The following EDIL3 variants were observed in gnomAD, a reference collection of about 807,000 sequenced individuals.
EDIL3 encodes EGF-like repeat and discoidin I-like domain-containing protein 3.
A neutral mutation model predicts 67.4 loss-of-function variants in EDIL3; 37 were observed. The observed-to-expected ratio is 0.55, with a 90% CI of 0.42 to 0.72. The LOEUF (loss-of-function observed/expected upper bound fraction) is 0.72, where lower values mean the gene tolerates loss of function less well. Ranked by LOEUF, EDIL3 falls within the 30% of genes least tolerant of loss-of-function variation. The probability of loss-of-function intolerance (pLI) is 0.00; values close to 1 mark genes in which losing one functional copy is unlikely to be tolerated. For missense variants in EDIL3, 527 were observed against 586.3 expected, an observed-to-expected ratio of 0.90 and a Z score of 1.04; for synonymous variants, 195 against 196.3, an observed-to-expected ratio of 0.99 and a Z score of 0.05.
At chr5:84,203,514 G>A (rs1047625714) in intron 3 of EDIL3, among the ~76,000 whole-genome samples, 6 of 152,106 alleles carry the variant, frequency 3.9e-5, no homozygotes, top group South Asian at 2.1e-4. Context: ...AGCAACACAC[G>A]TTCCTGATGG....
chr5:84,000,183 T>C (rs1022070067), intron 9 of EDIL3, among the ~76,000 whole-genome samples: 1 of 152,068 alleles, frequency 6.6e-6, no homozygotes, highest in African/African-American at 2.4e-5. Flanking sequence ...ATGATATTAA[T>C]GAGCAACAAG....
Position 84,045,716 on chromosome 5 carries a change from G to A in EDIL3, c.1137+14584C>T, listed in dbSNP as rs112414762. The stretch of plus-strand genomic sequence containing the variant: ...AAGAATTATAATAGCGGCATAAAAC[G>A]AACAAAGACATTAGACATTTGAAAG... On this transcript the variant is annotated intron_variant, in intron 9 of 10. Transcript: ENST00000296591. 1.1e-3 allele frequency among the ~76,000 whole-genome samples: 162 copies of A among 152,208 alleles called. 1 individual carries two copies. Among genetic ancestry groups the A allele is most frequent in the African/African-American group, 3.7e-3 (155 of 41,530 alleles).
chr5:84,192,254 A>T (rs1430600162), intron 3 of EDIL3, among the ~76,000 whole-genome samples: 1 of 151,698 alleles, frequency 6.6e-6, no homozygotes, highest in East Asian at 1.9e-4. Context: ...CATCCTCCAT[A>T]GCTACCCACC....
intron 4 of EDIL3, among the ~76,000 whole-genome samples, chr5:84,148,457 T>G (rs376120041): frequency 7.2e-5 from 11 of 152,274 alleles, no homozygotes; most frequent in African/African-American, 2.6e-4. Context: ...TCCAAAATGG[T>G]GACATTTACT....
At chr5:84,248,291 A>G (rs189985012) in intron 2 of EDIL3, among the ~76,000 whole-genome samples, 1 of 152,272 alleles carries the variant, frequency 6.6e-6, no homozygotes, top group African/African-American at 2.4e-5. Context: ...TAACTGCTCC[A>G]CAGTACTTGA....
At chr5:84,191,655 T>C (rs899182821) in intron 3 of EDIL3, among the ~76,000 whole-genome samples, 6 of 152,036 alleles carry the variant, frequency 3.9e-5, no homozygotes, top group African/African-American at 1.4e-4. Flanking sequence ...CTGCTTATAA[T>C]CACTGGATGA....
chr5:84,233,418 G>A (rs1271303668), intron 2 of EDIL3, among the ~76,000 whole-genome samples: 2 of 152,092 alleles, frequency 1.3e-5, no homozygotes, highest in Non-Finnish European at 2.9e-5. Flanking sequence ...AACAGCCATG[G>A]GTACCATTGT....
rs1398135562 is a variant in EDIL3, at chr5:83,940,613, TTA to T, written c.*2804_*2805del. On this transcript the variant is annotated 3_prime_UTR_variant, in exon 11 of 11. Transcript: ENST00000296591. ...AAAAGAATCCCAGCTTTTCAAAAGTTTATTTTAAGTTTGGAGACTAGACAAGG... is the reference window on the plus strand; with the variant it reads ...AAAAGAATCCCAGCTTTTCAAAAGTTTTTTAAGTTTGGAGACTAGACAAGG... 1.3e-5 allele frequency: 2 copies of T among 151,978 alleles called. No homozygotes were observed. Among genetic ancestry groups the T allele is most frequent in the Non-Finnish European group, 1.5e-5 (1 of 67,904 alleles). The allele number at this position is 151,978 out of a possible 1,614,324, so 9.4% of individuals were successfully genotyped here.
At chr5:83,967,321 A>C (rs1240017721) in intron 9 of EDIL3, among the ~76,000 whole-genome samples, 2 of 152,136 alleles carry the variant, frequency 1.3e-5, no homozygotes, top group Admixed American at 1.3e-4. Context: ...ACATCATCTC[A>C]AAATAAATAA....
intron 3 of EDIL3, among the ~76,000 whole-genome samples, chr5:84,213,649 A>T (rs951764391): frequency 1.4e-4 from 22 of 152,192 alleles, no homozygotes; most frequent in African/African-American, 5.3e-4. Flanking sequence ...GAGAAAGAAA[A>T]AACAGGTGAG....
At chr5:84,159,465 ACC>A (rs1201850874) in intron 4 of EDIL3, among the ~76,000 whole-genome samples, 1 of 152,012 alleles carries the variant, frequency 6.6e-6, no homozygotes, top group South Asian at 2.1e-4. Context: ...GTTCAAGCTT[ACC>A]TGACCCCATA....
chr5:84,015,028 T>C (rs1334563868), intron 9 of EDIL3, among the ~76,000 whole-genome samples: 1 of 152,180 alleles, frequency 6.6e-6, no homozygotes, highest in Non-Finnish European at 1.5e-5. Flanking sequence ...CTGTTGATGA[T>C]AAAATAAACT....
chr5:84,225,662 G>A (rs1744436377), intron 3 of EDIL3, among the ~76,000 whole-genome samples: 1 of 150,844 alleles, frequency 6.6e-6, no homozygotes, highest in African/African-American at 2.4e-5. Context: ...ATATGTTATT[G>A]AAGATAAACA....
chr5:84,093,683 G>A (rs185339927), intron 6 of EDIL3, among the ~76,000 whole-genome samples: 9,365 of 137,188 alleles, frequency 0.068, 450 homozygotes, highest in Middle Eastern at 0.13. Context: ...TTTTTCAGAC[G>A]GGGTCTCGCT....
chr5:84,116,309 CAG>C (rs1177760800), intron 5 of EDIL3, among the ~76,000 whole-genome samples: 1 of 151,502 alleles, frequency 6.6e-6, no homozygotes, highest in Non-Finnish European at 1.5e-5. Flanking sequence ...GAAGAAATGA[CAG>C]AGAGCAAAAT....
chr5:84,071,465 T>C (rs1746739662), intron 6 of EDIL3, among the ~76,000 whole-genome samples: 1 of 152,168 alleles, frequency 6.6e-6, no homozygotes, highest in Non-Finnish European at 1.5e-5. Context: ...AGACGAAGAT[T>C]TTCTGAAACA....
intron 8 of EDIL3, among the ~76,000 whole-genome samples, chr5:84,062,017 C>T (rs1286650442): frequency 1.3e-5 from 2 of 152,024 alleles, no homozygotes; most frequent in Admixed American, 6.6e-5. Context: ...TTTCCCTTCA[C>T]CTCCACCATC....
At chr5:84,340,344 A>T (rs1021330255) in intron 1 of EDIL3, among the ~76,000 whole-genome samples, 7 of 151,654 alleles carry the variant, frequency 4.6e-5, no homozygotes, top group Non-Finnish European at 7.4e-5. Context: ...ACCCTGCAGT[A>T]CCTCAGTTAT....
At chr5:84,088,387 GTTTGT>G (rs1207505124) in intron 6 of EDIL3, among the ~76,000 whole-genome samples, 1 of 152,232 alleles carries the variant, frequency 6.6e-6, no homozygotes, top group Non-Finnish European at 1.5e-5. Context: ...TTTGTTTGTT[GTTTGT>G]TTTGTTTTGT....
Sources: allele counts gnomAD v4.1 joint callset (sites outside exome capture counted in the v4.1 genomes callset), GRCh38; gene constraint gnomAD v4.1.1; transcripts MANE v1.5; gene names NCBI Gene and HGNC (gene_info 2026-07-23, HGNC 2026-07-21).